Variants in SRGAP3 observed in about 807,000 individuals in gnomAD.
SRGAP3 encodes SLIT-ROBO Rho GTPase-activating protein 3.
SRGAP3 carries 39 observed loss-of-function variants against 121.1 expected under a neutral mutation model. The observed-to-expected ratio is 0.32, with a 90% CI of 0.25 to 0.42. The LOEUF is 0.42. Among genes scored for constraint, SRGAP3 ranks in the 10% least tolerant of loss-of-function variants. The pLI is 1.00. For missense variants in SRGAP3, 1,213 were observed against 1,470.6 expected, an observed-to-expected ratio of 0.82 and a Z score of 2.86; for synonymous variants, 601 against 570.0, an observed-to-expected ratio of 1.05 and a Z score of -0.77.
At chr3:9,306,975 C>CT (rs546758361) in intron 3 of SRGAP3, among the ~76,000 whole-genome samples, 3 of 151,906 alleles carry the variant, frequency 2.0e-5, no homozygotes, top group Non-Finnish European at 4.4e-5. Context: ...ACTTGTATGA[C>CT]TTTTTTTTCT....
At chr3:9,321,103 T>C (rs1955431867) in intron 3 of SRGAP3, among the ~76,000 whole-genome samples, 1 of 151,860 alleles carries the variant, frequency 6.6e-6, no homozygotes, top group Admixed American at 6.5e-5. Context: ...AGGTGTCATA[T>C]GACAAGGAAG....
intron 1 of SRGAP3, among the ~76,000 whole-genome samples, chr3:9,136,737 C>A (rs1448185159): frequency 6.6e-6 from 1 of 152,210 alleles, no homozygotes; most frequent in African/African-American, 2.4e-5. Context: ...AGGATTGGAA[C>A]CTGGGCCTGC....
chr3:9,115,403 A>AAAAT, intron 2 of SRGAP3, among the ~76,000 whole-genome samples: 1 of 152,372 alleles, frequency 6.6e-6, no homozygotes, highest in Admixed American at 6.5e-5. Flanking sequence ...TTCTAGTATA[A>AAAAT]AAATTAAATG....
chr3:9,253,358 A>G (rs755254341), upstream of SRGAP3, among the ~76,000 whole-genome samples: 4 of 152,182 alleles, frequency 2.6e-5, no homozygotes, highest in Non-Finnish European at 5.9e-5. Context: ...AAAGTTTTCC[A>G]TTTAAAAAAA....
chr3:9,004,115 A>C (rs1942927770), intron 18 of SRGAP3, among the ~76,000 whole-genome samples: 1 of 152,200 alleles, frequency 6.6e-6, no homozygotes, highest in African/African-American at 2.4e-5. Flanking sequence ...TTCAAAAGTG[A>C]AATTAAGGAA....
chr3:9,358,925 A>G (rs1170873377), intron 1 of SRGAP3, among the ~76,000 whole-genome samples: 1 of 152,218 alleles, frequency 6.6e-6, no homozygotes, highest in Non-Finnish European at 1.5e-5. Context: ...AGGCAGATTA[A>G]TAAAAGAAGA....
At chr3:9,056,151 C>T in intron 8 of SRGAP3, 82 bp downstream of exon 8, 3 of 1,240,524 alleles carry the variant, frequency 2.4e-6, no homozygotes, top group South Asian at 1.2e-5. Flanking sequence ...ATTTCTTATG[C>T]ACTTCGTGGC....
chr3:9,343,775 A>G (rs1955833127), intron 1 of SRGAP3, among the ~76,000 whole-genome samples: 1 of 152,096 alleles, frequency 6.6e-6, no homozygotes, highest in African/African-American at 2.4e-5. Context: ...GTCTCAAGCT[A>G]TCCTCCGACC....
At chr3:9,136,353 G>T (rs1221178106) in intron 1 of SRGAP3, among the ~76,000 whole-genome samples, 1 of 151,414 alleles carries the variant, frequency 6.6e-6, no homozygotes, top group Non-Finnish European at 1.5e-5. Context: ...CCGGGCCGGG[G>T]TCAGCCGCCG....
intron 18 of SRGAP3, among the ~76,000 whole-genome samples, chr3:9,005,947 A>G (rs1574889990): frequency 1.1e-5 from 1 of 93,492 alleles, no homozygotes; most frequent in African/African-American, 3.6e-5. Context: ...CTATAACTCA[A>G]TAAAGTGGTT....
chr3:9,338,679 A>G (rs994045660), intron 1 of SRGAP3, among the ~76,000 whole-genome samples: 42 of 152,352 alleles, frequency 2.8e-4, no homozygotes, highest in Admixed American at 2.5e-3. Flanking sequence ...TCCTGAATGC[A>G]GCTCTGCACT....
chr3:9,321,998 A>C (rs545328647), intron 3 of SRGAP3, among the ~76,000 whole-genome samples: 2 of 151,528 alleles, frequency 1.3e-5, no homozygotes, highest in East Asian at 3.9e-4. Context: ...AATAATAATA[A>C]ATGTTTAAAG....
intron 1 of SRGAP3, among the ~76,000 whole-genome samples, chr3:9,166,993 C>T (rs1456034500): frequency 6.6e-6 from 1 of 152,174 alleles, no homozygotes; most frequent in African/African-American, 2.4e-5. Flanking sequence ...TACAACTTCT[C>T]ATCCCTCTGT....
In SRGAP3 at chr3:9,058,347, C is replaced by T. The variant is rs1194068814; in HGVS notation, c.927G>A (p.Leu309=). 3.1e-6 allele frequency: 5 copies of T among 1,614,106 alleles called. No individual in the cohort carries two copies. In the African/African-American group the frequency reaches 5.3e-5, roughly 17 times the overall value. Residue 309 remains leucine (L), a synonymous_variant, in exon 7 of 22, where the codon CTG becomes CTA. Transcript: ENST00000383836. ...CTGTGTGCTTGTCACTTCGGGAATCCAGGTTGTCCACTGCATTCTCAATGA... is the reference window on the plus strand; with the variant it reads ...CTGTGTGCTTGTCACTTCGGGAATCTAGGTTGTCCACTGCATTCTCAATGA... ...LDVIENAVDN[L]DSRSDKHTVM...
chr3:8,983,014 T>G lies in SRGAP3; in HGVS notation c.*2505A>C. ...CAGGCAACAGATTTTTCTACTCTGA[T>G]TGTTGCTTTTCATCTGGCAGTTGTG... is the stretch of plus-strand genomic sequence containing the variant. On this transcript the variant is annotated 3_prime_UTR_variant, in exon 22 of 22. Transcript: ENST00000383836. The G allele has an allele frequency of 4.4e-6, 1 of 227,638 alleles. No homozygotes were observed. 14.1% of individuals were successfully genotyped at this position (227,638 alleles called of 1,614,324 possible).
intron 3 of SRGAP3, among the ~76,000 whole-genome samples, chr3:9,295,682 A>C (rs1159873730): frequency 6.6e-6 from 1 of 152,212 alleles, no homozygotes; most frequent in African/African-American, 2.4e-5. Flanking sequence ...TTAAGTGTAC[A>C]GTTCAATGAC....
In SRGAP3 at chr3:9,015,678, C is replaced by T; in HGVS notation, c.1732G>A (p.Gly578Ser). The T allele has an allele frequency of 6.2e-7, 1 of 1,613,734 alleles. No individual in the cohort carries two copies. Among genetic ancestry groups the T allele is most frequent in the Admixed American group, 1.7e-5 (1 of 60,000 alleles). Residue 578 changes from glycine to serine, a missense_variant, in exon 15 of 22, where the codon GGT (glycine) becomes AGT (serine). Transcript: ENST00000383836. ...QNERDINSVAGVLKLYFRGLE... is the reference protein window; with the variant it reads ...QNERDINSVASVLKLYFRGLE... ...CCTCGGAAATACAGTTTTAAAACAC[C>T]AGCGACTGAATTGATATCTCGTTCA...
chr3:9,189,399 T>A (rs1033962419), intron 1 of SRGAP3, among the ~76,000 whole-genome samples: 1 of 152,248 alleles, frequency 6.6e-6, no homozygotes, highest in Non-Finnish European at 1.5e-5. Flanking sequence ...TCAGTTTTTA[T>A]CTATTGTCAT....
intron 1 of SRGAP3, among the ~76,000 whole-genome samples, chr3:9,354,708 G>A (rs191322111): frequency 6.6e-6 from 1 of 151,294 alleles, no homozygotes; most frequent in East Asian, 1.9e-4. Flanking sequence ...AAAAGAATAG[G>A]CAAGGATAGG....
Sources: allele counts gnomAD v4.1 joint callset (sites outside exome capture counted in the v4.1 genomes callset), GRCh38; gene constraint gnomAD v4.1.1; transcripts MANE v1.5; gene names NCBI Gene and HGNC (gene_info 2026-07-23, HGNC 2026-07-21).